The following PTPRD variants were observed in gnomAD, a reference collection of about 807,000 sequenced individuals.
PTPRD encodes the protein receptor-type tyrosine-protein phosphatase delta.
PTPRD carries 34 observed loss-of-function variants against 214.5 expected under a neutral mutation model. That is an observed-to-expected ratio of 0.16 (90% CI 0.12 to 0.21). The LOEUF is 0.21. PTPRD is among the 10% of genes least tolerant of loss of function. The probability of loss-of-function intolerance (pLI) is 1.00; values close to 1 mark genes in which losing one functional copy is unlikely to be tolerated. For synonymous variants in PTPRD, 1,128 were observed against 845.7 expected (o/e 1.33, Z -5.79); for missense variants, 2,545 against 2,398.7 (o/e 1.06, Z -1.27).
intron 9 of PTPRD, among the ~76,000 whole-genome samples, chr9:9,394,599 T>C (rs1392221549): frequency 6.6e-6 from 1 of 152,150 alleles, no homozygotes; most frequent in Non-Finnish European, 1.5e-5. Flanking sequence ...AGGATTGTCC[T>C]TATAAATATG....
At chr9:9,284,732 A>G (rs1341421815) in intron 9 of PTPRD, among the ~76,000 whole-genome samples, 1 of 151,796 alleles carries the variant, frequency 6.6e-6, no homozygotes, top group African/African-American at 2.4e-5. Context: ...GGTGCAATGG[A>G]AAAGAACATA....
chr9:9,308,683 A>G (rs1413884294), intron 9 of PTPRD, among the ~76,000 whole-genome samples: 3 of 152,166 alleles, frequency 2.0e-5, no homozygotes, highest in Admixed American at 2.0e-4. Flanking sequence ...ATTTACCGGC[A>G]CCTGATTAAA....
intron 8 of PTPRD, among the ~76,000 whole-genome samples, chr9:9,448,509 G>T (rs1410130947): frequency 6.6e-6 from 1 of 151,968 alleles, no homozygotes; most frequent in African/African-American, 2.4e-5. Flanking sequence ...TGCTATGATT[G>T]TAAGTTTCCT....
chr9:9,574,993 T>G (rs944013015), intron 7 of PTPRD, among the ~76,000 whole-genome samples: 1 of 152,172 alleles, frequency 6.6e-6, no homozygotes, highest in African/African-American at 2.4e-5. Flanking sequence ...TTTGGGCTCT[T>G]TAATGCAGTG....
At chr9:8,536,707 G>T (rs1381986063) in intron 14 of PTPRD, among the ~76,000 whole-genome samples, 1 of 151,984 alleles carries the variant, frequency 6.6e-6, no homozygotes, top group African/African-American at 2.4e-5. Context: ...TCTGCCATGA[G>T]CAGGCACCAA....
intron 27 of PTPRD, among the ~76,000 whole-genome samples, chr9:8,491,442 G>C (rs1207261668): frequency 6.6e-6 from 1 of 152,198 alleles, no homozygotes; most frequent in East Asian, 1.9e-4. Context: ...GGCAACAGGG[G>C]AGTGGTGCTT....
intron 2 of PTPRD, among the ~76,000 whole-genome samples, chr9:10,592,858 C>T (rs1240262966): frequency 1.3e-5 from 2 of 151,776 alleles, no homozygotes; most frequent in South Asian, 2.1e-4. Flanking sequence ...GGAACATGGG[C>T]GGGGACTAAT....
chr9:9,180,995 T>A (rs1430512108), intron 10 of PTPRD, among the ~76,000 whole-genome samples: 1 of 152,110 alleles, frequency 6.6e-6, no homozygotes, highest in Non-Finnish European at 1.5e-5. Flanking sequence ...CTTTTGGACT[T>A]GGCTCAGAGT....
At chr9:8,491,567 T>C (rs1238858091) in intron 27 of PTPRD, among the ~76,000 whole-genome samples, 2 of 150,498 alleles carry the variant, frequency 1.3e-5, no homozygotes, top group Non-Finnish European at 2.9e-5. Context: ...AGAGACTGGA[T>C]CCACAGCCAG....
chr9:9,326,470 A>G (rs6477390), intron 9 of PTPRD, among the ~76,000 whole-genome samples: 112,548 of 151,910 alleles, frequency 0.74, 41,940 homozygotes, highest in East Asian at 0.91. Context: ...AGATTCAGAG[A>G]CATTGGCTGA....
At chr9:10,387,798 T>TAAAA (rs552150325) in intron 2 of PTPRD, among the ~76,000 whole-genome samples, 1 of 127,112 alleles carries the variant, frequency 7.9e-6, no homozygotes, top group African/African-American at 2.9e-5. Context: ...GAATACGATT[T>TAAAA]AAAAAAAAAA....
intron 4 of PTPRD, among the ~76,000 whole-genome samples, chr9:9,964,269 G>A (rs1587563181): frequency 6.6e-6 from 1 of 152,140 alleles, no homozygotes; most frequent in South Asian, 2.1e-4. Flanking sequence ...ACCGCTACTA[G>A]GACAAGAAAG....
At chr9:9,345,088 TG>T (rs2048304399) in intron 9 of PTPRD, among the ~76,000 whole-genome samples, 1 of 152,062 alleles carries the variant, frequency 6.6e-6, no homozygotes, top group African/African-American at 2.4e-5. Flanking sequence ...GACAGGAAAG[TG>T]GTTCATCAAG....
At chr9:10,564,506 C>T (rs556287955) in intron 2 of PTPRD, among the ~76,000 whole-genome samples, 1 of 151,786 alleles carries the variant, frequency 6.6e-6, no homozygotes, top group South Asian at 2.1e-4. Context: ...CTGGAAGTGG[C>T]CATATTAGCT....
chr9:9,880,179 T>C (rs1209412160), intron 5 of PTPRD, among the ~76,000 whole-genome samples: 3 of 152,148 alleles, frequency 2.0e-5, no homozygotes, highest in Non-Finnish European at 4.4e-5. Flanking sequence ...GCACTCTTTC[T>C]CTATTGCTTG....
chr9:9,158,781 C>T (rs780789216), intron 10 of PTPRD, among the ~76,000 whole-genome samples: 4 of 151,994 alleles, frequency 2.6e-5, no homozygotes, highest in Non-Finnish European at 4.4e-5. Flanking sequence ...GCTAATATTG[C>T]AGATGAATAT....
intron 5 of PTPRD, among the ~76,000 whole-genome samples, chr9:9,824,266 C>G (rs1229106658): frequency 1.3e-5 from 2 of 151,768 alleles, no homozygotes; most frequent in Non-Finnish European, 2.9e-5. Flanking sequence ...TTTATTTATC[C>G]TTAGTCTTTT....
intron 2 of PTPRD, among the ~76,000 whole-genome samples, chr9:10,458,506 A>T (rs1195696042): frequency 1.3e-5 from 2 of 152,178 alleles, no homozygotes; most frequent in Non-Finnish European, 2.9e-5. Flanking sequence ...TTCTTGACAA[A>T]GCCTCTCAAC....
At chr9:10,537,633 G>C (rs577625419) in intron 2 of PTPRD, among the ~76,000 whole-genome samples, 1 of 152,016 alleles carries the variant, frequency 6.6e-6, no homozygotes, top group Admixed American at 6.6e-5. Flanking sequence ...TTCTTTACAT[G>C]ATTTCCTCCA....
Sources: allele counts gnomAD v4.1 joint callset (sites outside exome capture counted in the v4.1 genomes callset), GRCh38; gene constraint gnomAD v4.1.1; transcripts MANE v1.5; gene names NCBI Gene and HGNC (gene_info 2026-07-23, HGNC 2026-07-21).